Variants in YPEL2 observed in about 807,000 individuals in gnomAD.
YPEL2 encodes the protein protein yippee-like 2.
A neutral mutation model predicts 19.1 loss-of-function variants in YPEL2; 2 were observed. The ratio of observed to expected loss-of-function variants is 0.10; its 90% CI spans 0.04 to 0.33. The LOEUF is 0.33. Among genes scored for constraint, YPEL2 ranks in the 10% least tolerant of loss-of-function variants. The probability of loss-of-function intolerance (pLI) is 1.00; values close to 1 mark genes in which losing one functional copy is unlikely to be tolerated. For missense variants in YPEL2, 66 were observed against 140.7 expected (o/e 0.47, Z 2.68); for synonymous variants, 52 against 50.0 (o/e 1.04, Z -0.17).
chr17:59,387,861 AT>A (rs948836851), intron 2 of YPEL2, among the ~76,000 whole-genome samples: 27 of 152,062 alleles, frequency 1.8e-4, no homozygotes, highest in African/African-American at 6.3e-4. Context: ...TGGGTCAGGG[AT>A]TTTTTTGCTG....
chr17:59,361,095 G>A (rs2047838418), intron 2 of YPEL2, among the ~76,000 whole-genome samples: 2 of 152,194 alleles, frequency 1.3e-5, no homozygotes. Context: ...GCCTGCCAAA[G>A]TGCTGGGATT....
At chr17:59,356,997 T>C (rs980598464) in intron 2 of YPEL2, among the ~76,000 whole-genome samples, 6 of 152,208 alleles carry the variant, frequency 3.9e-5, no homozygotes, top group Non-Finnish European at 8.8e-5. Flanking sequence ...CAGATGTCTC[T>C]AGCAGCCAGC....
chr17:59,361,344 A>G (rs1013288220), intron 2 of YPEL2, among the ~76,000 whole-genome samples: 1 of 152,166 alleles, frequency 6.6e-6, no homozygotes, highest in South Asian at 2.1e-4. Flanking sequence ...AGATATTATA[A>G]TACTACTCAA....
At position 59,371,612 on chromosome 17, in the gene YPEL2, G is replaced by GT. The variant is rs140585001; in HGVS notation, c.118-16712dup. Among the ~76,000 whole-genome samples, 838 of 152,278 alleles carry GT rather than the reference G, an allele frequency of 5.5e-3. 5 individuals carry two copies. The highest frequency in any genetic ancestry group is 0.02 in the Middle Eastern group (6 of 294). On this transcript the variant is annotated intron_variant, in intron 2 of 4. Transcript: ENST00000312655. ...CTCCCTGTCCAGACCTCTCAGAGAT[G>GT]TTTCATTCCTTGGGCTGGGTTGAAC...
chr17:59,334,413 G>A (rs371543398), intron 1 of YPEL2, among the ~76,000 whole-genome samples: 2 of 151,932 alleles, frequency 1.3e-5, no homozygotes, highest in African/African-American at 2.4e-5. Flanking sequence ...GGAGTCAGGA[G>A]TTTGTCTACC....
chr17:59,389,212 CTTTTGGGGATTGG>C (rs2147957552), intron 3 of YPEL2, 135 bp from the exon 4 acceptor site: 1 of 610,138 alleles, frequency 1.6e-6, no homozygotes, highest in African/African-American at 1.8e-5. Flanking sequence ...CTGTGGCCAC[CTTTTGGGGATTGG>C]TTTAGATCTG....
At chr17:59,371,397 G>C (rs568662674) in intron 2 of YPEL2, among the ~76,000 whole-genome samples, 1 of 152,248 alleles carries the variant, frequency 6.6e-6, no homozygotes, top group Non-Finnish European at 1.5e-5. Flanking sequence ...TTCTTTAGTG[G>C]CAGGTGGAAC....
chr17:59,352,747 C>T (rs923822605), intron 1 of YPEL2, among the ~76,000 whole-genome samples: 2 of 152,272 alleles, frequency 1.3e-5, no homozygotes, highest in East Asian at 1.9e-4. Flanking sequence ...TGGCTTCAAG[C>T]GTTGGACTCT....
At chr17:59,340,402 CCCAG>C (rs1212577353) in intron 1 of YPEL2, among the ~76,000 whole-genome samples, 5 of 151,836 alleles carry the variant, frequency 3.3e-5, no homozygotes, top group African/African-American at 1.2e-4. Flanking sequence ...AGCCACCGTG[CCCAG>C]CTGGAACTTT....
chr17:59,396,594 G>A (rs1479245880), intron 4 of YPEL2, among the ~76,000 whole-genome samples: 1 of 152,234 alleles, frequency 6.6e-6, no homozygotes, highest in African/African-American at 2.4e-5. Flanking sequence ...AAGTCCTGGT[G>A]TTGCCTCAGT....
chr17:59,334,319 A>C (rs1423634094), intron 1 of YPEL2, among the ~76,000 whole-genome samples: 2 of 145,016 alleles, frequency 1.4e-5, no homozygotes, highest in African/African-American at 5.0e-5. Flanking sequence ...GAAGAGGTTG[A>C]TTTTGTTTAG....
chr17:59,362,914 A>G (rs1217904714), intron 2 of YPEL2: 2 of 152,116 alleles, frequency 1.3e-5, no homozygotes, highest in African/African-American at 4.8e-5. Flanking sequence ...TGTTCAGTTC[A>G]ATATTTCTTG....
intron 2 of YPEL2, among the ~76,000 whole-genome samples, chr17:59,377,677 T>C (rs1290666930): frequency 6.6e-6 from 1 of 152,192 alleles, no homozygotes; most frequent in Non-Finnish European, 1.5e-5. Context: ...TTTATCCTGC[T>C]CCTGGTTCAG....
At chr17:59,343,349 A>G (rs990374825) in intron 1 of YPEL2, among the ~76,000 whole-genome samples, 4 of 152,024 alleles carry the variant, frequency 2.6e-5, no homozygotes, top group African/African-American at 9.7e-5. Flanking sequence ...TGAGTCCTGT[A>G]GACACTACTG....
At chr17:59,333,610 G>GT (rs541354702) in intron 1 of YPEL2, among the ~76,000 whole-genome samples, 170 of 151,322 alleles carry the variant, frequency 1.1e-3, no homozygotes, top group Non-Finnish European at 1.9e-3. Flanking sequence ...TGTTTTAAAG[G>GT]TTTTTTTTTC....
intron 2 of YPEL2, among the ~76,000 whole-genome samples, chr17:59,375,943 T>C (rs2047918687): frequency 6.6e-6 from 1 of 152,222 alleles, no homozygotes; most frequent in Admixed American, 6.5e-5. Context: ...GGTTTAAAGT[T>C]CTGACCTTGA....
intron 1 of YPEL2, among the ~76,000 whole-genome samples, chr17:59,337,689 C>G (rs761155268): frequency 6.6e-6 from 1 of 151,972 alleles, no homozygotes; most frequent in Non-Finnish European, 1.5e-5. Context: ...TATGTAGGGC[C>G]CTGCATCCTA....
In YPEL2 at chr17:59,340,700, C is replaced by G. The variant is rs150798562; in HGVS notation, c.-196+8876C>G. Among the ~76,000 whole-genome samples, 1,367 of 151,738 alleles carry G rather than the reference C, an allele frequency of 9.0e-3. 24 individuals are homozygous for G. Among genetic ancestry groups the G allele is most frequent in the African/African-American group, 0.031 (1,280 of 41,366 alleles). On this transcript the variant is annotated intron_variant, in intron 1 of 4. Coordinates refer to ENST00000312655, the MANE Select transcript of YPEL2 (RefSeq NM_001005404.4). ...AAAGTGCTGGGATTACAGGCGTGAG[C>G]CACCGCACCCAGCCGAACTTTTTTT...
chr17:59,334,396 G>GGT (rs149147578), intron 1 of YPEL2, among the ~76,000 whole-genome samples: 11,309 of 150,100 alleles, frequency 0.075, 637 homozygotes, highest in Non-Finnish European at 0.11. Context: ...TATTTGGGGG[G>GGT]GGGTGAGGAG....
Sources: gnomAD v4.1 joint callset for allele counts (sites outside exome capture counted in the v4.1 genomes callset) on GRCh38, gnomAD v4.1.1 for gene constraint, MANE v1.5 for transcripts, NCBI Gene and HGNC (gene_info 2026-07-23, HGNC 2026-07-21) for gene names.